The following ATP8B4 variants were observed in gnomAD, a reference collection of about 807,000 sequenced individuals.
ATP8B4 encodes ATPase phospholipid transporting 8B4 (putative).
ATP8B4 carries 133 observed loss-of-function variants against 145.6 expected under a neutral mutation model. The ratio of observed to expected loss-of-function variants is 0.91; its 90% CI spans 0.79 to 1.05. The LOEUF (loss-of-function observed/expected upper bound fraction) is 1.05. Ranked by LOEUF, ATP8B4 falls within the 50% of genes least tolerant of loss-of-function variation. The pLI is 0.00. For synonymous variants in ATP8B4, 507 were observed against 492.9 expected, an observed-to-expected ratio of 1.03 and a Z score of -0.38; for missense variants, 1,458 against 1,425.2, an observed-to-expected ratio of 1.02 and a Z score of -0.37.
intron 14 of ATP8B4, among the ~76,000 whole-genome samples, chr15:49,953,141 C>G (rs2043244953): frequency 6.6e-6 from 1 of 152,012 alleles, no homozygotes; most frequent in Non-Finnish European, 1.5e-5. Context: ...TAGGATCACT[C>G]TTGTATAGGG....
intron 1 of ATP8B4, among the ~76,000 whole-genome samples, chr15:50,124,441 A>G (rs1340079248): frequency 2.0e-5 from 3 of 152,208 alleles, no homozygotes; most frequent in Non-Finnish European, 4.4e-5. Flanking sequence ...GAAAAGAACA[A>G]AAAGAGAATA....
chr15:49,966,542 C>T (rs1002411403), intron 13 of ATP8B4, among the ~76,000 whole-genome samples: 31 of 152,200 alleles, frequency 2.0e-4, no homozygotes, highest in Admixed American at 1.3e-4. Flanking sequence ...CTCAGCAAAG[C>T]CTCTGTAGCC....
chr15:50,093,871 C>T, intron 2 of ATP8B4, among the ~76,000 whole-genome samples: 1 of 152,134 alleles, frequency 6.6e-6, no homozygotes, highest in Middle Eastern at 3.4e-3. Flanking sequence ...AACTTTAATA[C>T]AATAAGCACT....
intron 14 of ATP8B4, among the ~76,000 whole-genome samples, chr15:49,959,641 CA>C (rs1248959699): frequency 2.0e-5 from 3 of 151,934 alleles, no homozygotes; most frequent in Non-Finnish European, 2.9e-5. Context: ...AATTAACAAT[CA>C]AATTTATTGC....
chr15:50,100,035 C>CAAAAAA (rs751319243), intron 2 of ATP8B4, among the ~76,000 whole-genome samples: 8 of 80,188 alleles, frequency 1.0e-4, no homozygotes, highest in South Asian at 9.1e-4. Context: ...AACTCCATCT[C>CAAAAAA]AAAAAAAAAA....
intron 2 of ATP8B4, among the ~76,000 whole-genome samples, chr15:50,103,812 C>G (rs1270880684): frequency 6.6e-6 from 1 of 152,104 alleles, no homozygotes; most frequent in East Asian, 1.9e-4. Flanking sequence ...AGAAGCATTA[C>G]ATTACCCGAC....
In ATP8B4 at chr15:50,109,151, C is replaced by T. The variant is rs530537130; in HGVS notation, c.-42-2143G>A. Among the ~76,000 whole-genome samples the T allele has an allele frequency of 1.4e-4, 21 of 152,138 alleles. No homozygotes were observed. The South Asian group carries it at 3.9e-3, about 29-fold the overall frequency. ...CCTGGGAAGAACCTCAAAGCATGAG[C>T]AAAACTGGGTTAGCAATAGGAAGAG... On this transcript the variant is annotated intron_variant, in intron 1 of 27. Transcript: ENST00000284509.
intron 1 of ATP8B4, among the ~76,000 whole-genome samples, chr15:50,166,315 T>A (rs966459680): frequency 6.6e-6 from 1 of 152,188 alleles, no homozygotes; most frequent in Non-Finnish European, 1.5e-5. Context: ...AGACAAAAAT[T>A]TGAATCTCCA....
chr15:50,172,430 T>C (rs1285607503), intron 1 of ATP8B4, among the ~76,000 whole-genome samples: 1 of 152,256 alleles, frequency 6.6e-6, no homozygotes, highest in East Asian at 1.9e-4. Context: ...AGACGGAGTC[T>C]CGCTCACACA....
At chr15:49,900,068 C>T (rs970508901) in intron 21 of ATP8B4, among the ~76,000 whole-genome samples, 3 of 152,172 alleles carry the variant, frequency 2.0e-5, no homozygotes, top group African/African-American at 4.8e-5. Flanking sequence ...AGCTTGGGGG[C>T]CACCAGCTTT....
At position 49,897,490 on chromosome 15, in the gene ATP8B4, G is replaced by A. The variant is rs544035527; in HGVS notation, c.2499C>T (p.Ser833=). 61 of 1,568,706 alleles carry A rather than the reference G, an allele frequency of 3.9e-5. No homozygotes were observed. The highest frequency in any genetic ancestry group is 3.4e-4 in the Middle Eastern group (2 of 5,848). The change falls in exon 23 of 28, where the codon AGC becomes AGT. Residue 833 remains serine (S), a synonymous_variant. Transcript: ENST00000284509. ...IKSAHIGVGI[S]GQEGLQAVLA... is the part of the protein sequence containing the mutation. ...AGACTGCTTGCAATCCTTCCTGGCC[G>A]CTGATGCCAACACCAATGTGAGCAC... is the stretch of plus-strand genomic sequence containing the variant.
intron 12 of ATP8B4, among the ~76,000 whole-genome samples, chr15:49,978,815 G>GGTGGGTGT (rs2045910621): frequency 6.9e-6 from 1 of 145,314 alleles, no homozygotes; most frequent in East Asian, 2.2e-4. Flanking sequence ...AATAAAGAGG[G>GGTGGGTGT]GTGTGTGTGT....
intron 15 of ATP8B4, among the ~76,000 whole-genome samples, chr15:49,931,690 C>A (rs1298278272): frequency 1.3e-5 from 2 of 152,046 alleles, no homozygotes; most frequent in East Asian, 3.9e-4. Flanking sequence ...TCAGGGCAGC[C>A]TTTGAGGTAG....
chr15:50,123,105 T>G (rs1281110829), upstream of ATP8B4, among the ~76,000 whole-genome samples: 1 of 152,130 alleles, frequency 6.6e-6, no homozygotes, highest in South Asian at 2.1e-4. Flanking sequence ...CTCTCCAGAA[T>G]CCAAATGCGA....
intron 13 of ATP8B4, among the ~76,000 whole-genome samples, chr15:49,972,323 A>G (rs567619237): frequency 6.6e-6 from 1 of 152,286 alleles, no homozygotes; most frequent in South Asian, 2.1e-4. Flanking sequence ...AGAGAGTATC[A>G]TATCTAACCC....
At chr15:50,157,726 A>ATTC (rs1335180675) in intron 1 of ATP8B4, among the ~76,000 whole-genome samples, 2 of 113,476 alleles carry the variant, frequency 1.8e-5, no homozygotes, top group African/African-American at 6.0e-5. Context: ...TAACATATTT[A>ATTC]TTCTTCTTCT....
chr15:50,158,108 C>A (rs2044451282), intron 1 of ATP8B4, among the ~76,000 whole-genome samples: 3 of 152,218 alleles, frequency 2.0e-5, no homozygotes, highest in African/African-American at 4.8e-5. Context: ...CTCGCTACAA[C>A]CTCCACCTCC....
At chr15:50,024,176 T>C (rs545810258) in intron 6 of ATP8B4, among the ~76,000 whole-genome samples, 57 of 152,288 alleles carry the variant, frequency 3.7e-4, no homozygotes, top group African/African-American at 1.3e-3. Context: ...AGAGCTGAGT[T>C]CTCACAGTGG....
intron 1 of ATP8B4, among the ~76,000 whole-genome samples, chr15:50,177,533 G>T (rs114010864): frequency 7.6e-4 from 115 of 152,290 alleles, no homozygotes; most frequent in African/African-American, 2.6e-3. Context: ...TTTTTCACAT[G>T]AACTCTACAT....
Sources: gnomAD v4.1 joint callset for allele counts (sites outside exome capture counted in the v4.1 genomes callset) on GRCh38, gnomAD v4.1.1 for gene constraint, MANE v1.5 for transcripts, NCBI Gene and HGNC (gene_info 2026-07-23, HGNC 2026-07-21) for gene names.